MCRS1: variants seen among roughly 807,000 people sequenced by gnomAD.
MCRS1 encodes microspherule protein 1.
A neutral mutation model predicts 62.9 loss-of-function variants in MCRS1; 22 were observed. The observed-to-expected ratio is 0.35, with a 90% confidence interval of 0.25 to 0.50. The LOEUF (loss-of-function observed/expected upper bound fraction) is 0.50. MCRS1 is among the 20% of genes least tolerant of loss of function. The pLI, the probability that MCRS1 is intolerant of heterozygous loss-of-function variation, is 0.98. For synonymous variants in MCRS1, 244 were observed against 233.5 expected, an observed-to-expected ratio of 1.04 and a Z score of -0.41; for missense variants, 456 against 601.1, an observed-to-expected ratio of 0.76 and a Z score of 2.52.
At chr12:49,565,302 C>A (rs969771483) in intron 4 of MCRS1, 1 of 985,172 alleles carries the variant, frequency 1.0e-6, no homozygotes, top group Non-Finnish European at 1.2e-6. Context: ...GCCTCCCACA[C>A]GGAATGTGAT....
At chr12:49,567,688 G>C (rs1298386733) in intron 1 of MCRS1, 1 of 152,240 alleles carries the variant, frequency 6.6e-6, no homozygotes, top group African/African-American at 2.4e-5. Flanking sequence ...GCACACCCAA[G>C]GTAGGGGATC....
In MCRS1 at chr12:49,564,498, G is replaced by A. The variant is rs775460964; in HGVS notation, c.540C>T (p.Tyr180=). Residue 180 remains tyrosine, a synonymous_variant, in exon 6 of 15, where the codon TAC becomes TAT. Transcript: ENST00000343810. ...EVQERWYALL[Y]DPVISKLACQ... ...CCACTCACTTGGAGATGACAGGATC[G>A]TAGAGCAGGGCGTACCAACGCTCCT... The A allele has an allele frequency of 1.7e-5, 28 of 1,612,904 alleles. No individual in the cohort carries two copies. In the Admixed American group the frequency reaches 3.3e-4, roughly 19 times the overall value.
rs781040566 is a variant in MCRS1, at chr12:49,565,674, A to C, written c.150-7T>G. ...CTTCTTCCTCTTGATGAACCTGTAA[A>C]GGGTCCTGCCCAGTGAACACTCCTT... On this transcript the variant is annotated splice_polypyrimidine_tract_variant and splice_region_variant and intron_variant, in intron 3 of 14. Coordinates refer to ENST00000343810, the MANE Select transcript of MCRS1 (RefSeq NM_006337.5). 6.2e-7 allele frequency: 1 copy of C among 1,614,020 alleles called. No individual in the cohort carries two copies. The highest frequency in any genetic ancestry group is 1.1e-5 in the South Asian group (1 of 91,084).
rs755177366 is a variant in MCRS1, at chr12:49,559,324, G to A, written c.1087-23C>T. The A allele has an allele frequency of 6.2e-7, 1 of 1,611,908 alleles. No individual in the cohort carries two copies. The highest frequency in any genetic ancestry group is 8.5e-7 in the Non-Finnish European group (1 of 1,177,986). On this transcript the variant is annotated intron_variant, in intron 12 of 14. Coordinates refer to ENST00000343810, the MANE Select transcript of MCRS1 (RefSeq NM_006337.5). This position sits in a 1 kb window ranked among gnomAD's most constrained non-coding sequence, Gnocchi z 5.2. The stretch of plus-strand genomic sequence containing the variant: ...GATCTGGGGAAATGGGGCAGGTGAG[G>A]GCTGGGACCTGAAGAATTGGGGGAG...
At position 49,559,593 on chromosome 12, in the gene MCRS1, G is replaced by A. The variant is rs1028773573; in HGVS notation, c.1004-58C>T. On this transcript the variant is annotated intron_variant, in intron 11 of 14. Coordinates refer to ENST00000343810, the MANE Select transcript of MCRS1 (RefSeq NM_006337.5). This position sits in a 1 kb window ranked among gnomAD's most constrained non-coding sequence, Gnocchi z 5.2. ...CCTGAGGGCCAGAATGCAAGGCAGG[G>A]AACCAGGGCAAGGTTTATAAGGGAA... 2.6e-5 allele frequency: 41 copies of A among 1,599,540 alleles called. 1 individual carries two copies. In the South Asian group the frequency reaches 4.3e-4, roughly 17 times the overall value.
chr12:49,560,209 G>C (rs1938691726), intron 9 of MCRS1, 86 bp downstream of exon 9: 1 of 1,455,816 alleles, frequency 6.9e-7, no homozygotes, highest in African/African-American at 1.4e-5. Context: ...GGGAGCCCAA[G>C]GGCTGGGGCT....
At chr12:49,560,682 T>C (rs372841497) in intron 8 of MCRS1, among the ~76,000 whole-genome samples, 16 of 152,312 alleles carry the variant, frequency 1.1e-4, no homozygotes, top group South Asian at 1.0e-3. Flanking sequence ...TAGCTCTATT[T>C]TACAGATGAG....
rs374027229 is a variant in MCRS1, at chr12:49,559,959, C to T, written c.890G>A (p.Arg297Gln). ...LIDDSKLKDM[R>Q]DEVLEHELMV... ...CTTACCATGTTCCAGGACCTCATCT[C>T]GCATGTCCCTGAGGGGCAAGAAGAG... is the stretch of plus-strand genomic sequence containing the variant. The change falls in exon 10 of 15, where the codon CGA becomes CAA. Residue 297 changes from arginine (R) to glutamine (Q), a missense_variant. This residue lies in a region of MCRS1 where 393 missense variants were observed against 523.5 expected (regional missense o/e 0.75). Coordinates refer to ENST00000343810, the MANE Select transcript of MCRS1 (RefSeq NM_006337.5). The surrounding 1 kb of genome is among the most constrained non-coding windows in gnomAD (Gnocchi z 5.2). 1.9e-6 allele frequency: 3 copies of T among 1,614,166 alleles called. No homozygotes were observed. The highest frequency in any genetic ancestry group is 2.5e-6 in the Non-Finnish European group (3 of 1,180,026).
intron 6 of MCRS1, among the ~76,000 whole-genome samples, chr12:49,564,189 C>G (rs565512440): frequency 6.6e-6 from 1 of 151,804 alleles, no homozygotes; most frequent in Non-Finnish European, 1.5e-5. Flanking sequence ...CAGTGCACTC[C>G]GGGCACTCAT....
At chr12:49,564,038 G>C (rs1206611834) in intron 6 of MCRS1, among the ~76,000 whole-genome samples, 2 of 152,226 alleles carry the variant, frequency 1.3e-5, no homozygotes, top group Non-Finnish European at 2.9e-5. Flanking sequence ...ATGTGTATGA[G>C]TTTATTTGGA....
Position 49,566,484 on chromosome 12 carries a change from C to T in MCRS1, c.10+238G>A, listed in dbSNP as rs557933233. On this transcript the variant is annotated intron_variant, in intron 2 of 14. Coordinates refer to ENST00000343810, the MANE Select transcript of MCRS1 (RefSeq NM_006337.5). ...TCAGGTCAGACTGGTGATGCCGACA[C>T]GCTGGGCTCTGGGCATAACTGCTCC... 181 of 1,552,774 alleles carry T rather than the reference C, an allele frequency of 1.2e-4. 1 individual carries two copies. Among genetic ancestry groups the T allele is most frequent in the South Asian group, 8.4e-4 (71 of 84,282 alleles).
At position 49,559,407 on chromosome 12, in the gene MCRS1, T is replaced by C. The variant is rs755123283; in HGVS notation, c.1086+46A>G. 1 of 1,612,100 alleles carries C rather than the reference T, an allele frequency of 6.2e-7. No individual in the cohort carries two copies. Among genetic ancestry groups the C allele is most frequent in the Non-Finnish European group, 8.5e-7 (1 of 1,178,280 alleles). On this transcript the variant is annotated intron_variant, in intron 12 of 14. Coordinates refer to ENST00000343810, the MANE Select transcript of MCRS1 (RefSeq NM_006337.5). This position sits in a 1 kb window ranked among gnomAD's most constrained non-coding sequence, Gnocchi z 5.2. ...CCAAGGACTACGCAGAGAAAGGCAC[T>C]GACAGAGGAAGCAGCCTAAGAAGGG...
At chr12:49,562,961 C>G in intron 8 of MCRS1, 40 bp downstream of exon 8, 1 of 1,575,284 alleles carries the variant, frequency 6.3e-7, no homozygotes. Context: ...CACACATGCA[C>G]GTGCACACAC....
chr12:49,565,965 A>C, intron 3 of MCRS1, 112 bp downstream of exon 3: 1 of 1,424,702 alleles, frequency 7.0e-7, no homozygotes, highest in South Asian at 1.4e-5. Context: ...GCCAATACTA[A>C]GGCCCCAGAG....
chr12:49,565,994 C>T, intron 3 of MCRS1, 83 bp downstream of exon 3: 1 of 1,536,920 alleles, frequency 6.5e-7, no homozygotes. Flanking sequence ...GCAGCCATTC[C>T]CAACAGATGG....
At chr12:49,561,638 T>C (rs1357003044) in intron 8 of MCRS1, among the ~76,000 whole-genome samples, 1 of 152,248 alleles carries the variant, frequency 6.6e-6, no homozygotes, top group African/African-American at 2.4e-5. Context: ...CTTTTCTTTT[T>C]TCTTTTTTTG....
intron 7 of MCRS1, 93 bp from the exon 8 acceptor site, chr12:49,563,232 G>A (rs1182430528): frequency 6.6e-7 from 1 of 1,518,810 alleles, no homozygotes; most frequent in African/African-American, 1.4e-5. Flanking sequence ...GCATCCCCCA[G>A]GAGCTGGAAG....
intron 8 of MCRS1, among the ~76,000 whole-genome samples, chr12:49,560,596 C>T (rs754300985): frequency 6.6e-6 from 1 of 152,142 alleles, no homozygotes; most frequent in Admixed American, 6.5e-5. Flanking sequence ...TTAAAATTGA[C>T]CTTTTGTATG....
chr12:49,558,494 C>A lies in MCRS1; in HGVS notation c.*149G>T. 1 of 766,928 alleles carries A rather than the reference C, an allele frequency of 1.3e-6. No homozygotes were observed. Among genetic ancestry groups the A allele is most frequent in the Non-Finnish European group, 2.1e-6 (1 of 484,536 alleles). 47.5% of individuals were successfully genotyped at this position (766,928 alleles called of 1,614,324 possible). On this transcript the variant is annotated 3_prime_UTR_variant, in exon 15 of 15. Transcript: ENST00000343810. ...CTCTGCTGGCTTCACAAAGGCCAGCCCTATCCTCCCTCAAAGGCTCAAATC... is the reference window on the plus strand; with the variant it reads ...CTCTGCTGGCTTCACAAAGGCCAGCACTATCCTCCCTCAAAGGCTCAAATC...
Sources: gnomAD v4.1 joint callset for allele counts (sites outside exome capture counted in the v4.1 genomes callset) on GRCh38, gnomAD v4.1.1 for gene constraint, gnomAD v4.1.1 regional missense constraint, Gnocchi (gnomAD v3.1) non-coding constraint, MANE v1.5 for transcripts, NCBI Gene and HGNC (gene_info 2026-07-23, HGNC 2026-07-21) for gene names.